Variants in ASS1 observed in about 807,000 individuals in gnomAD.
ASS1 encodes the protein argininosuccinate synthase.
A neutral mutation model predicts 60.5 loss-of-function variants in ASS1; 58 were observed. The ratio of observed to expected loss-of-function variants is 0.96; its 90% CI spans 0.78 to 1.19. ASS1 has a LOEUF of 1.19. ASS1 is among the 50% of genes most tolerant of loss of function. The probability of loss-of-function intolerance (pLI) is 0.00; values close to 1 mark genes in which losing one functional copy is unlikely to be tolerated. For missense variants in ASS1, 454 were observed against 547.3 expected (o/e 0.83, Z 1.70); for synonymous variants, 200 against 206.9 (o/e 0.97, Z 0.29).
At chr9:130,485,430 A>G (rs1329416786) in intron 11 of ASS1, among the ~76,000 whole-genome samples, 1 of 149,386 alleles carries the variant, frequency 6.7e-6, no homozygotes, top group African/African-American at 2.6e-5. Context: ...CACCTTCTGT[A>G]AAGGCCAAGC....
chr9:130,467,422 CTCAA>C (rs1269582321), intron 6 of ASS1, among the ~76,000 whole-genome samples: 11 of 152,192 alleles, frequency 7.2e-5, no homozygotes, highest in African/African-American at 2.7e-4. Context: ...GACAAACAGC[CTCAA>C]TCAATCAGGC....
intron 14 of ASS1, 136 bp from the exon 15 acceptor site, chr9:130,500,840 T>C: frequency 1.2e-6 from 1 of 846,998 alleles, no homozygotes; most frequent in Non-Finnish European, 1.9e-6. Context: ...GGAGAGGGAA[T>C]AGAAAAAAAG....
intron 13 of ASS1, 30 bp downstream of exon 13, chr9:130,495,053 C>A: frequency 6.3e-7 from 1 of 1,586,458 alleles, no homozygotes. Flanking sequence ...TTCTGACCCC[C>A]ACTTGGGCAC....
intron 7 of ASS1, among the ~76,000 whole-genome samples, 164 bp from the exon 8 acceptor site, chr9:130,471,321 G>A (rs1845860775): frequency 6.6e-6 from 1 of 152,232 alleles, no homozygotes; most frequent in African/African-American, 2.4e-5. Context: ...CTCCACGGGT[G>A]ACTATGGTGG....
chr9:130,458,712 C>T, intron 4 of ASS1, 123 bp downstream of exon 4: 1 of 1,364,730 alleles, frequency 7.3e-7, no homozygotes, highest in East Asian at 2.5e-5. Flanking sequence ...AAGGCAGCTA[C>T]ATGGCTTTGT....
chr9:130,467,756 A>T lies in ASS1; in HGVS notation c.495+957A>T, dbSNP rs545023392. ...GGTTTCTCCCCTGGTCTCCTTGATGATATAGAATATGAAGCGTGTTTCATC... is the reference window on the plus strand; with the variant it reads ...GGTTTCTCCCCTGGTCTCCTTGATGTTATAGAATATGAAGCGTGTTTCATC... On this transcript the variant is annotated intron_variant, in intron 6 of 14. Transcript: ENST00000352480. Among the ~76,000 whole-genome samples the T allele has an allele frequency of 2.0e-5, 3 of 152,284 alleles. No homozygotes were observed. In the East Asian group the frequency reaches 5.8e-4, roughly 29 times the overall value.
rs1286975493 is a variant in ASS1, at chr9:130,491,191, G to A, written c.970+1727G>A. Among the ~76,000 whole-genome samples, 1 of 152,184 alleles carries A rather than the reference G, an allele frequency of 6.6e-6. No individual in the cohort carries two copies. Among genetic ancestry groups the A allele is most frequent in the Non-Finnish European group, 1.5e-5 (1 of 68,040 alleles). On this transcript the variant is annotated intron_variant, in intron 12 of 14. Transcript: ENST00000352480. The surrounding 1 kb of genome is among the most constrained non-coding windows in gnomAD (Gnocchi z 5.3). The stretch of plus-strand genomic sequence containing the variant: ...CCAAGTTTCTGCCCCCGTTCCCAGG[G>A]ACAGACAGGTGCTTAAATACCATTG...
rs573129790 is a variant in ASS1, at chr9:130,494,158, A to G, written c.971-709A>G. ...GGGAGCTAGCCCAGATCAAAGCCTG[A>G]GCGCAGTGCTGCTTATCTATGCAGA... On this transcript the variant is annotated intron_variant, in intron 12 of 14. Transcript: ENST00000352480. This position sits in a 1 kb window ranked among gnomAD's most constrained non-coding sequence, Gnocchi z 4.3. 3.3e-5 allele frequency among the ~76,000 whole-genome samples: 5 copies of G among 152,324 alleles called. No individual in the cohort carries two copies. Among genetic ancestry groups the G allele is most frequent in the South Asian group, 4.1e-4 (2 of 4,826 alleles).
chr9:130,489,610 G>A lies in ASS1; in HGVS notation c.970+146G>A, dbSNP rs1252969399. ...CCATCCTCATGTGAGACCCCAAAAG[G>A]TGCAGGCCAAAGGGGGTTGAGGGAA... On this transcript the variant is annotated intron_variant, in intron 12 of 14. Coordinates refer to ENST00000352480, the MANE Select transcript of ASS1 (RefSeq NM_054012.4). The surrounding 1 kb of genome is among the most constrained non-coding windows in gnomAD (Gnocchi z 4.1). 2 of 1,390,780 alleles carry A rather than the reference G, an allele frequency of 1.4e-6. No individual in the cohort carries two copies. Among genetic ancestry groups the A allele is most frequent in the African/African-American group, 2.8e-5 (2 of 70,574 alleles). The allele number at this position is 1,390,780 out of a possible 1,614,324, so 86.2% of individuals were successfully genotyped here.
At chr9:130,500,842 GA>G in intron 14 of ASS1, 133 bp from the exon 15 acceptor site, 12 of 898,604 alleles carry the variant, frequency 1.3e-5, no homozygotes, top group East Asian at 2.6e-5. Context: ...AGAGGGAATA[GA>G]AAAAAAGGCA....
chr9:130,450,715 G>T (rs1329840914), intron 1 of ASS1, among the ~76,000 whole-genome samples: 2 of 152,256 alleles, frequency 1.3e-5, no homozygotes. Context: ...AGGACGGGAG[G>T]CCTGGGAAAG....
chr9:130,482,296 C>T (rs1846191832), intron 11 of ASS1, among the ~76,000 whole-genome samples: 1 of 151,568 alleles, frequency 6.6e-6, no homozygotes. Flanking sequence ...ACAGAAGCAG[C>T]CCCCATCCTC....
intron 13 of ASS1, among the ~76,000 whole-genome samples, chr9:130,497,695 G>A (rs896681628): frequency 6.6e-6 from 1 of 152,220 alleles, no homozygotes; most frequent in African/African-American, 2.4e-5. Flanking sequence ...TTGGGGAACG[G>A]GATGGGGAGA....
chr9:130,490,399 C>G (rs1337618586), intron 12 of ASS1, among the ~76,000 whole-genome samples: 1 of 152,090 alleles, frequency 6.6e-6, no homozygotes, highest in African/African-American at 2.4e-5. Flanking sequence ...CTGCAACCTC[C>G]GCCTCCCTGG....
intron 1 of ASS1, among the ~76,000 whole-genome samples, chr9:130,448,596 C>G (rs774186706): frequency 6.6e-6 from 1 of 152,182 alleles, no homozygotes; most frequent in Non-Finnish European, 1.5e-5. Context: ...CAGAGTTTCA[C>G]TCTGTCACCC....
At chr9:130,445,812 G>T (rs554706623) in intron 1 of ASS1, among the ~76,000 whole-genome samples, 1 of 152,276 alleles carries the variant, frequency 6.6e-6, no homozygotes, top group South Asian at 2.1e-4. Flanking sequence ...TCTCTGAGAA[G>T]TGGAGAGTCC....
intron 12 of ASS1, among the ~76,000 whole-genome samples, chr9:130,492,638 T>A (rs374348243): frequency 1.3e-5 from 2 of 152,182 alleles, no homozygotes; most frequent in South Asian, 2.1e-4. Flanking sequence ...CAGAGGAGCA[T>A]CTCATCTAGG....
chr9:130,495,460 T>TATAC (rs1846566955), intron 13 of ASS1, among the ~76,000 whole-genome samples: 1 of 103,842 alleles, frequency 9.6e-6, no homozygotes, highest in African/African-American at 3.0e-5. Flanking sequence ...TATATATATA[T>TATAC]ACACATACAT....
chr9:130,499,126 A>C (rs925624153), intron 13 of ASS1, among the ~76,000 whole-genome samples: 2 of 152,188 alleles, frequency 1.3e-5, no homozygotes, highest in African/African-American at 4.8e-5. Flanking sequence ...AGGTCACTGC[A>C]TGCCATCCAC....
Sources: gnomAD v4.1 joint callset for allele counts (sites outside exome capture counted in the v4.1 genomes callset) on GRCh38, gnomAD v4.1.1 for gene constraint, Gnocchi (gnomAD v3.1) non-coding constraint, MANE v1.5 for transcripts, NCBI Gene and HGNC (gene_info 2026-07-23, HGNC 2026-07-21) for gene names.